The following C5 variants were observed in gnomAD, a reference collection of about 807,000 sequenced individuals.
The protein encoded by C5 is C3 and PZP-like alpha-2-macroglobulin domain-containing protein 4.
C5 carries 140 observed loss-of-function variants against 218.8 expected under a neutral mutation model. That is an observed-to-expected ratio of 0.64 (90% confidence interval 0.56 to 0.74). C5 has a LOEUF of 0.74. C5 is among the 30% of genes least tolerant of loss of function. The pLI is 0.00. For missense variants in C5, 1,700 were observed against 1,969.6 expected, an observed-to-expected ratio of 0.86 and a Z score of 2.59; for synonymous variants, 614 against 682.3, an observed-to-expected ratio of 0.90 and a Z score of 1.56.
the C5 span, among the ~76,000 whole-genome samples, chr9:121,058,615 T>G: frequency 1.3e-5 from 2 of 152,200 alleles, no homozygotes; most frequent in African/African-American, 4.8e-5. Context: ...ATTTTTGTAT[T>G]TTTAGTAGAG....
At chr9:121,028,023 AG>A (rs2047440049) in intron 7 of C5, among the ~76,000 whole-genome samples, 1 of 152,228 alleles carries the variant, frequency 6.6e-6, no homozygotes, top group Non-Finnish European at 1.5e-5. Flanking sequence ...CCCATCAAAA[AG>A]TGGGCAAAGG....
At chr9:121,064,057 C>G in the C5 span, among the ~76,000 whole-genome samples, 77,780 of 151,792 alleles carry the variant, frequency 0.51, 22,330 homozygotes, top group South Asian at 0.8. Context: ...TGACCCCCAT[C>G]TCTTCCATTT....
intron 29 of C5, 104 bp from the exon 30 acceptor site, chr9:120,975,035 T>G (rs1264139730): frequency 1.6e-5 from 21 of 1,324,562 alleles, no homozygotes; most frequent in Non-Finnish European, 2.3e-5. Flanking sequence ...TGTCTGGAGA[T>G]GAAACTCCAG....
chr9:121,000,909 C>T (rs1203994696), intron 20 of C5, among the ~76,000 whole-genome samples: 1 of 152,118 alleles, frequency 6.6e-6, no homozygotes, highest in African/African-American at 2.4e-5. Context: ...TTAGCTCCCA[C>T]TTATAAGTGA....
At chr9:121,044,429 T>C (rs1293469739) in intron 2 of C5, among the ~76,000 whole-genome samples, 1 of 152,126 alleles carries the variant, frequency 6.6e-6, no homozygotes, top group African/African-American at 2.4e-5. Flanking sequence ...TGAGCCGATA[T>C]TACACCACTG....
At chr9:120,984,846 T>C (rs993233201) in intron 25 of C5, among the ~76,000 whole-genome samples, 5 of 149,948 alleles carry the variant, frequency 3.3e-5, no homozygotes, top group South Asian at 2.2e-4. Context: ...CTCAGCCTCC[T>C]GAGTAGGTGG....
At chr9:121,070,698 A>G in the C5 span, among the ~76,000 whole-genome samples, 1 of 151,944 alleles carries the variant, frequency 6.6e-6, no homozygotes, top group Non-Finnish European at 1.5e-5. Flanking sequence ...AGTAAACAGT[A>G]GAACAGAGGA....
In C5 at chr9:120,963,627, A is replaced by T. The variant is rs187867837; in HGVS notation, c.4323+9T>A. On this transcript the variant is annotated intron_variant, in intron 34 of 40. Coordinates refer to ENST00000223642, the MANE Select transcript of C5 (RefSeq NM_001735.3). Reference sequence around the variant, plus strand: ...GCATTCACAACACGATTTAAAAGAAAACACATACGGCTTTTAAGTCTTCTT... The same window carrying T: ...GCATTCACAACACGATTTAAAAGAATACACATACGGCTTTTAAGTCTTCTT... 3.2e-5 allele frequency: 51 copies of T among 1,587,378 alleles called. No homozygotes were observed. The East Asian group carries it at 1.1e-3, about 33-fold the overall frequency.
At chr9:121,067,338 G>A in the C5 span, among the ~76,000 whole-genome samples, 6 of 151,994 alleles carry the variant, frequency 3.9e-5, no homozygotes, top group East Asian at 3.9e-4. Flanking sequence ...CAAGGTGGGC[G>A]GATCATGAGG....
upstream of C5, among the ~76,000 whole-genome samples, chr9:121,053,526 A>G (rs2047683214): frequency 6.6e-6 from 1 of 152,132 alleles, no homozygotes; most frequent in Non-Finnish European, 1.5e-5. Flanking sequence ...ACCAAATAGA[A>G]CAACTATCCA....
chr9:120,971,667 G>T (rs2046915280), intron 31 of C5, among the ~76,000 whole-genome samples: 1 of 152,220 alleles, frequency 6.6e-6, no homozygotes, highest in Non-Finnish European at 1.5e-5. Context: ...TTGATCTCCT[G>T]ACCTCGTGGT....
At chr9:121,030,037 T>A (rs1382640278) in intron 7 of C5, among the ~76,000 whole-genome samples, 2 of 152,134 alleles carry the variant, frequency 1.3e-5, no homozygotes, top group Non-Finnish European at 2.9e-5. Flanking sequence ...GGTTTTGAAG[T>A]AGTTACGCAG....
intron 33 of C5, among the ~76,000 whole-genome samples, chr9:120,964,658 G>A (rs752215672): frequency 6.6e-6 from 1 of 152,126 alleles, no homozygotes; most frequent in African/African-American, 2.4e-5. Flanking sequence ...GAATTTAAGC[G>A]GAAATGCAAA....
intron 22 of C5, among the ~76,000 whole-genome samples, chr9:120,995,646 A>C (rs1423643497): frequency 2.0e-5 from 3 of 152,050 alleles, no homozygotes; most frequent in Non-Finnish European, 4.4e-5. Flanking sequence ...ATTATAAATT[A>C]TTATTGTGAT....
chr9:121,003,746 A>T (rs2047191476), intron 20 of C5, among the ~76,000 whole-genome samples: 1 of 152,226 alleles, frequency 6.6e-6, no homozygotes, highest in East Asian at 1.9e-4. Context: ...AGCAATGCCT[A>T]CCTCTATAAA....
chr9:121,048,317 G>A (rs1419645889), intron 1 of C5, among the ~76,000 whole-genome samples: 1 of 152,234 alleles, frequency 6.6e-6, no homozygotes, highest in Non-Finnish European at 1.5e-5. Flanking sequence ...CTACACAGCA[G>A]GAGGTGAGCA....
chr9:120,977,251 A>G (rs1179280184), intron 28 of C5, among the ~76,000 whole-genome samples: 4 of 152,200 alleles, frequency 2.6e-5, no homozygotes, highest in Non-Finnish European at 5.9e-5. Flanking sequence ...GCACAAAATT[A>G]TTGAAAATAG....
chr9:120,987,109 G>A (rs1022525947), intron 25 of C5, among the ~76,000 whole-genome samples: 72 of 152,180 alleles, frequency 4.7e-4, no homozygotes, highest in African/African-American at 1.7e-3. Context: ...GTGTATTTGA[G>A]GAAGAAAATA....
At chr9:121,060,222 A>T in the C5 span, among the ~76,000 whole-genome samples, 4 of 152,208 alleles carry the variant, frequency 2.6e-5, no homozygotes, top group Non-Finnish European at 5.9e-5. Flanking sequence ...CCTACTTTGA[A>T]AGCGCCACCT....
Sources: gnomAD v4.1 joint callset for allele counts (sites outside exome capture counted in the v4.1 genomes callset) on GRCh38, gnomAD v4.1.1 for gene constraint, MANE v1.5 for transcripts, NCBI Gene and HGNC (gene_info 2026-07-23, HGNC 2026-07-21) for gene names.